SPTAN1: variants seen among roughly 807,000 people sequenced by gnomAD.
SPTAN1 encodes spectrin alpha, non-erythrocytic 1, also known as spectrin alpha chain, non-erythrocytic 1.
A neutral mutation model predicts 331.3 loss-of-function variants in SPTAN1; 61 were observed. The ratio of observed to expected loss-of-function variants is 0.18; its 90% confidence interval spans 0.15 to 0.23. The LOEUF is 0.23. Among genes scored for constraint, SPTAN1 ranks in the 10% least tolerant of loss-of-function variants. The pLI, the probability that SPTAN1 is intolerant of heterozygous loss-of-function variation, is 1.00. For synonymous variants in SPTAN1, 1,153 were observed against 1,173.9 expected, an observed-to-expected ratio of 0.98 and a Z score of 0.36; for missense variants, 2,043 against 3,147.9, an observed-to-expected ratio of 0.65 and a Z score of 8.40.
At position 128,585,823 on chromosome 9, in the gene SPTAN1, C is replaced by T. The variant is rs1344834495; in HGVS notation, c.2636C>T (p.Ala879Val). 2 of 1,614,202 alleles carry T rather than the reference C, an allele frequency of 1.2e-6. No individual in the cohort carries two copies. Among genetic ancestry groups the T allele is most frequent in the Non-Finnish European group, 1.7e-6 (2 of 1,180,032 alleles). The change falls in exon 19 of 57, where the codon GCT (alanine) becomes GTT (valine). Residue 879 changes from alanine (A) to valine (V), a missense_variant. Around this residue, in one of 12 missense-constraint regions of SPTAN1, gnomAD observed 1,038 missense variants for 1,531.5 expected, o/e 0.68. Transcript: ENST00000372739. Reference sequence around the variant, plus strand: ...AAGTGGGAGGCACTGAAAGCCAAAGCTTCCCAGCGTCGGCAGGACCTGGAG... The same window carrying T: ...AAGTGGGAGGCACTGAAAGCCAAAGTTTCCCAGCGTCGGCAGGACCTGGAG... ...NQKWEALKAK[A>V]SQRRQDLEDS...
intron 28 of SPTAN1, 88 bp from the exon 29 acceptor site, chr9:128,604,238 C>T (rs1589292805): frequency 7.6e-7 from 1 of 1,310,402 alleles, no homozygotes. Context: ...CCTAGCATCT[C>T]CTTCAAACAA....
intron 45 of SPTAN1, among the ~76,000 whole-genome samples, chr9:128,622,617 TC>T (rs1564307166): frequency 6.6e-6 from 1 of 152,060 alleles, no homozygotes; most frequent in Non-Finnish European, 1.5e-5. Flanking sequence ...GGCTGCTTTG[TC>T]CTCAGCGACA....
Position 128,625,770 on chromosome 9 carries a change from A to G in SPTAN1, c.6071A>G (p.Glu2024Gly), listed in dbSNP as rs1357653529. 2 of 1,613,854 alleles carry G rather than the reference A, an allele frequency of 1.2e-6. No individual in the cohort carries two copies. Among genetic ancestry groups the G allele is most frequent in the East Asian group, 4.5e-5 (2 of 44,890 alleles). The change falls in exon 48 of 57, where the codon GAA becomes GGA. Residue 2024 changes from glutamate (E) to glycine (G), a missense_variant and splice_region_variant. Around this residue, in one of 12 missense-constraint regions of SPTAN1, gnomAD observed 256 missense variants for 376.4 expected, o/e 0.68. Transcript: ENST00000372739. The surrounding 1 kb of genome is among the most constrained non-coding windows in gnomAD (Gnocchi z 4.1). Reference sequence around the variant, plus strand: ...ATTGGCTTGTCACTCCTTGTTCAGGAAACTTTTGACGCTGGGCTGCAGGCC... The same window carrying G: ...ATTGGCTTGTCACTCCTTGTTCAGGGAACTTTTGACGCTGGGCTGCAGGCC... ...SSVQTLLTKQ[E>G]TFDAGLQAFQ...
At chr9:128,587,548 G>A (rs1852814826) in intron 19 of SPTAN1, 58 bp from the exon 20 acceptor site, 7 of 1,449,752 alleles carry the variant, frequency 4.8e-6, no homozygotes, top group Non-Finnish European at 5.8e-6. Flanking sequence ...TGGCGAGGCA[G>A]TGGAGGATGG....
chr9:128,620,270 T>C (rs1857676048), intron 44 of SPTAN1, among the ~76,000 whole-genome samples: 1 of 152,214 alleles, frequency 6.6e-6, no homozygotes, highest in Non-Finnish European at 1.5e-5. Context: ...GAGTTAGCTT[T>C]GAGCCACCTT....
chr9:128,626,170 G>C lies in SPTAN1; in HGVS notation c.6279+192G>C, dbSNP rs1008221394. ...GGCCCTGTGAGATCGCCATTCAGAA[G>C]CACGCAGGACAGACTAGAGACAAGG... is the stretch of plus-strand genomic sequence containing the variant. On this transcript the variant is annotated intron_variant, in intron 48 of 56. Transcript: ENST00000372739. 3 of 864,730 alleles carry C rather than the reference G, an allele frequency of 3.5e-6. No individual in the cohort carries two copies. The African/African-American group carries it at 5.1e-5, about 15-fold the overall frequency. 53.6% of individuals were successfully genotyped at this position (864,730 alleles called of 1,614,324 possible).
intron 21 of SPTAN1, among the ~76,000 whole-genome samples, chr9:128,591,000 T>C (rs187440376): frequency 6.6e-6 from 1 of 152,256 alleles, no homozygotes; most frequent in African/African-American, 2.4e-5. Flanking sequence ...CCTCTGCAGG[T>C]ATGGCAGGTG....
In SPTAN1 at chr9:128,627,224, T is replaced by C. The variant is rs956717053; in HGVS notation, c.6577-162T>C. 1.5e-6 allele frequency: 1 copy of C among 675,614 alleles called. No individual in the cohort carries two copies. The highest frequency in any genetic ancestry group is 2.2e-5 in the Admixed American group (1 of 44,848). The allele number at this position is 675,614 out of a possible 1,614,324, so 41.9% of individuals were successfully genotyped here. Reference sequence around the variant, plus strand: ...TGGGGGGTGGGAACAGAGAAAGAACTACCAAGTGCTCTGAGCCGGCCTCAT... The same window carrying C: ...TGGGGGGTGGGAACAGAGAAAGAACCACCAAGTGCTCTGAGCCGGCCTCAT... On this transcript the variant is annotated intron_variant, in intron 49 of 56. Transcript: ENST00000372739. This position sits in a 1 kb window ranked among gnomAD's most constrained non-coding sequence, Gnocchi z 4.9.
intron 49 of SPTAN1, 52 bp downstream of exon 49, chr9:128,626,739 G>C (rs1212584110): frequency 6.5e-7 from 1 of 1,548,748 alleles, no homozygotes; most frequent in African/African-American, 1.4e-5. Flanking sequence ...AGCCCTCTCT[G>C]GGCCCTGCTC....
Position 128,609,677 on chromosome 9 carries a change from A to G in SPTAN1, c.4773+12A>G. The G allele has an allele frequency of 1.3e-6, 2 of 1,505,912 alleles. No homozygotes were observed. The highest frequency in any genetic ancestry group is 1.8e-6 in the Non-Finnish European group (2 of 1,129,202). The allele number at this position is 1,505,912 out of a possible 1,614,324, so 93.3% of individuals were successfully genotyped here. ...TTTCCAAGCTGCTGGTAAGTTTTTA[A>G]TTTTTTTAAGAGTTGTAGTTAAATG... On this transcript the variant is annotated intron_variant, in intron 37 of 56. Coordinates refer to ENST00000372739, the MANE Select transcript of SPTAN1 (RefSeq NM_001130438.3).
intron 21 of SPTAN1, 104 bp from the exon 22 acceptor site, chr9:128,591,373 A>T: frequency 6.6e-7 from 1 of 1,504,802 alleles, no homozygotes; most frequent in Non-Finnish European, 9.2e-7. Flanking sequence ...GCCGTTTTGG[A>T]CCTCTTAAAA....
intron 40 of SPTAN1, 79 bp from the exon 41 acceptor site, chr9:128,615,553 A>G (rs1219921546): frequency 2.1e-6 from 3 of 1,419,112 alleles, no homozygotes; most frequent in African/African-American, 1.4e-5. Flanking sequence ...CATCTCAGTA[A>G]GGAATTCCTG....
intron 49 of SPTAN1, 45 bp downstream of exon 49, chr9:128,626,732 C>T (rs1564317604): frequency 6.5e-7 from 1 of 1,549,302 alleles, no homozygotes; most frequent in Non-Finnish European, 8.7e-7. Context: ...CTCCCAGAGC[C>T]CTCTCTGGGC....
chr9:128,611,114 A>G (rs1392476247), intron 37 of SPTAN1, among the ~76,000 whole-genome samples: 5 of 152,330 alleles, frequency 3.3e-5, no homozygotes, highest in East Asian at 1.9e-4. Context: ...TCTTCTGGAA[A>G]GTGTTAGGAA....
intron 29 of SPTAN1, 26 bp from the exon 30 acceptor site, chr9:128,605,008 T>C (rs771011759): frequency 3.7e-6 from 6 of 1,613,978 alleles, no homozygotes; most frequent in Non-Finnish European, 5.1e-6. Context: ...TTGGCATTTC[T>C]TAACCTGAAT....
chr9:128,556,544 A>T (rs1305879520), intron 1 of SPTAN1, among the ~76,000 whole-genome samples: 1 of 152,224 alleles, frequency 6.6e-6, no homozygotes, highest in East Asian at 1.9e-4. Context: ...TAGCAGCAAG[A>T]TAGTATTTGG....
chr9:128,601,614 A>T (rs1855165139), intron 27 of SPTAN1, among the ~76,000 whole-genome samples: 1 of 152,242 alleles, frequency 6.6e-6, no homozygotes, highest in Non-Finnish European at 1.5e-5. Flanking sequence ...CCTTCTCCTC[A>T]TTAGTACAGT....
chr9:128,624,952 AG>A, intron 46 of SPTAN1, 150 bp from the exon 47 acceptor site: 1 of 743,348 alleles, frequency 1.3e-6, no homozygotes, highest in Non-Finnish European at 2.4e-6. Context: ...GGGTGCAGGG[AG>A]GGGCCTGCTA....
chr9:128,601,103 C>T (rs942623432), intron 27 of SPTAN1, among the ~76,000 whole-genome samples: 1 of 150,068 alleles, frequency 6.7e-6, no homozygotes, highest in African/African-American at 2.4e-5. Flanking sequence ...CCTTCCTCAG[C>T]TCCCCTAGTA....
Sources: allele counts gnomAD v4.1 joint callset (sites outside exome capture counted in the v4.1 genomes callset), GRCh38; gene constraint gnomAD v4.1.1; regional missense constraint gnomAD v4.1.1; non-coding constraint Gnocchi (gnomAD v3.1); transcripts MANE v1.5; gene names NCBI Gene and HGNC (gene_info 2026-07-23, HGNC 2026-07-21).